POU2F1: variants seen among roughly 807,000 people sequenced by gnomAD.
POU2F1 encodes the protein POU class 2 homeobox 1, also known as POU domain, class 2, transcription factor 1.
POU2F1 carries 16 observed loss-of-function variants against 84.9 expected under a neutral mutation model. The ratio of observed to expected loss-of-function variants is 0.19; its 90% CI spans 0.13 to 0.29. The LOEUF is 0.29. Among genes scored for constraint, POU2F1 ranks in the 10% least tolerant of loss-of-function variants. The pLI, the probability that POU2F1 is intolerant of heterozygous loss-of-function variation, is 1.00. For synonymous variants in POU2F1, 368 were observed against 368.3 expected (o/e 1.00, Z 0.01); for missense variants, 738 against 942.6 (o/e 0.78, Z 2.84).
At chr1:167,411,867 A>G (rs1229779247) in intron 13 of POU2F1, 92 bp from the exon 14 acceptor site, 2 of 1,176,690 alleles carry the variant, frequency 1.7e-6, no homozygotes, top group Non-Finnish European at 2.4e-6. Flanking sequence ...TAGGTTAATT[A>G]TTCCATTGAT....
intron 1 of POU2F1, among the ~76,000 whole-genome samples, chr1:167,264,564 G>A (rs1408379010): frequency 6.6e-6 from 1 of 152,134 alleles, no homozygotes; most frequent in South Asian, 2.1e-4. Context: ...GAGTGACACA[G>A]TCCAGTTTGT....
rs536585489 is a variant in POU2F1, at chr1:167,397,080, G to A, written c.1129+653G>A. ...AGTTTTATTCAGTAGCTATGGGTGAGGCCTAGGCATCTGTTTCCCAAGTCC... is the reference window on the plus strand; with the variant it reads ...AGTTTTATTCAGTAGCTATGGGTGAAGCCTAGGCATCTGTTTCCCAAGTCC... On this transcript the variant is annotated intron_variant, in intron 10 of 15. Transcript: ENST00000367866. Among the ~76,000 whole-genome samples the A allele has an allele frequency of 2.0e-5, 3 of 152,254 alleles. No homozygotes were observed. In the East Asian group the frequency reaches 5.8e-4, roughly 29 times the overall value.
At chr1:167,398,550 T>C (rs1300661918) in intron 11 of POU2F1, among the ~76,000 whole-genome samples, 1 of 152,210 alleles carries the variant, frequency 6.6e-6, no homozygotes, top group Non-Finnish European at 1.5e-5. Flanking sequence ...TTGTAGTGTC[T>C]GTATGCCTGG....
At chr1:167,226,737 G>A (rs986659199) in intron 1 of POU2F1, among the ~76,000 whole-genome samples, 1 of 152,136 alleles carries the variant, frequency 6.6e-6, no homozygotes, top group Non-Finnish European at 1.5e-5. Flanking sequence ...TTACTATGGG[G>A]TGTGAATTTT....
At chr1:167,399,086 T>C (rs566006422) in intron 11 of POU2F1, 100 bp from the exon 12 acceptor site, 11 of 1,201,044 alleles carry the variant, frequency 9.2e-6, no homozygotes, top group South Asian at 1.7e-5. Context: ...GATGGTCATA[T>C]GTATCCCAGC....
chr1:167,249,239 C>G (rs972537835), intron 1 of POU2F1, among the ~76,000 whole-genome samples: 2 of 152,186 alleles, frequency 1.3e-5, no homozygotes, highest in Admixed American at 6.5e-5. Flanking sequence ...TCGAACTTCT[C>G]CCTTCTGTTT....
chr1:167,351,470 G>A (rs556677913), intron 2 of POU2F1, among the ~76,000 whole-genome samples: 1 of 124,656 alleles, frequency 8.0e-6, no homozygotes, highest in East Asian at 2.6e-4. Flanking sequence ...AGTGAGCCGA[G>A]ATCGCGCCAC....
intron 9 of POU2F1, among the ~76,000 whole-genome samples, chr1:167,394,900 G>C (rs1009609805): frequency 1.3e-5 from 2 of 152,160 alleles, no homozygotes; most frequent in African/African-American, 2.4e-5. Context: ...AATAAAAAAT[G>C]TAGTGTTCAA....
At chr1:167,349,651 A>G (rs1658428487) in intron 2 of POU2F1, among the ~76,000 whole-genome samples, 1 of 152,170 alleles carries the variant, frequency 6.6e-6, no homozygotes, top group African/African-American at 2.4e-5. Flanking sequence ...TGGTGTATTC[A>G]TTTTTATAAC....
chr1:167,296,855 C>T (rs898828857), intron 1 of POU2F1, among the ~76,000 whole-genome samples: 1 of 152,080 alleles, frequency 6.6e-6, no homozygotes, highest in African/African-American at 2.4e-5. Flanking sequence ...ACTGTTTGCA[C>T]TTTAAAAACT....
intron 1 of POU2F1, among the ~76,000 whole-genome samples, chr1:167,279,705 G>T (rs898706285): frequency 6.6e-6 from 1 of 152,010 alleles, no homozygotes; most frequent in African/African-American, 2.4e-5. Context: ...GCCTCAGAGC[G>T]AGACTCCATC....
At chr1:167,224,961 T>A (rs1648517301) in intron 1 of POU2F1, among the ~76,000 whole-genome samples, 1 of 152,004 alleles carries the variant, frequency 6.6e-6, no homozygotes, top group Non-Finnish European at 1.5e-5. Context: ...CCTTAGTAGC[T>A]GGGACTACAG....
chr1:167,387,615 T>TC (rs1247707079), intron 8 of POU2F1, among the ~76,000 whole-genome samples: 1 of 152,182 alleles, frequency 6.6e-6, no homozygotes, highest in Non-Finnish European at 1.5e-5. Context: ...CTTATATAAC[T>TC]CATCTAAATT....
At chr1:167,269,915 A>C in intron 1 of POU2F1, among the ~76,000 whole-genome samples, 1 of 148,918 alleles carries the variant, frequency 6.7e-6, no homozygotes, top group Non-Finnish European at 1.5e-5. Flanking sequence ...CTCTGTCTCA[A>C]AAAAAAAAAA....
chr1:167,329,657 A>G (rs1282490082), intron 1 of POU2F1, among the ~76,000 whole-genome samples: 1 of 152,158 alleles, frequency 6.6e-6, no homozygotes, highest in African/African-American at 2.4e-5. Flanking sequence ...CTGTACATAT[A>G]TAATATATAC....
chr1:167,256,306 A>C (rs959599200), intron 1 of POU2F1, among the ~76,000 whole-genome samples: 1 of 151,682 alleles, frequency 6.6e-6, no homozygotes, highest in East Asian at 1.9e-4. Context: ...GCATTGCCTG[A>C]GTGTCAGAAA....
At chr1:167,296,009 G>A (rs1206176085) in intron 1 of POU2F1, among the ~76,000 whole-genome samples, 1 of 150,830 alleles carries the variant, frequency 6.6e-6, no homozygotes, top group Non-Finnish European at 1.5e-5. Context: ...GGTCTAAAAA[G>A]CATTACAAGT....
At chr1:167,321,162 A>G (rs1656286670) in intron 1 of POU2F1, among the ~76,000 whole-genome samples, 3 of 152,246 alleles carry the variant, frequency 2.0e-5, no homozygotes, top group South Asian at 4.1e-4. Context: ...CACAAAGTAT[A>G]TCATCCATAT....
chr1:167,224,417 G>C (rs1648467984), intron 1 of POU2F1, among the ~76,000 whole-genome samples: 1 of 152,094 alleles, frequency 6.6e-6, no homozygotes, highest in Non-Finnish European at 1.5e-5. Flanking sequence ...AAATAAGGTA[G>C]AATACTCACA....
Sources: allele counts gnomAD v4.1 joint callset (sites outside exome capture counted in the v4.1 genomes callset), GRCh38; gene constraint gnomAD v4.1.1; transcripts MANE v1.5; gene names NCBI Gene and HGNC (gene_info 2026-07-23, HGNC 2026-07-21).